Variants in BTK observed in about 807,000 individuals in gnomAD.
BTK encodes the protein Bruton tyrosine kinase, also known as tyrosine-protein kinase BTK.
Under a neutral mutation model 57.4 loss-of-function variants are expected in BTK, and 5 were observed. The observed-to-expected ratio is 0.09, with a 90% CI of 0.05 to 0.18. The LOEUF is 0.18. Among genes scored for constraint, BTK ranks in the 10% least tolerant of loss-of-function variants. The pLI is 1.00. For missense variants in BTK, 194 were observed against 501.2 expected, an observed-to-expected ratio of 0.39 and a Z score of 5.85; for synonymous variants, 154 against 174.3, an observed-to-expected ratio of 0.88 and a Z score of 0.92.
intron 1 of BTK, among the ~76,000 whole-genome samples, chrX:101,382,863 G>A (rs1179471763): frequency 6.4e-5 from 7 of 110,198 alleles, no homozygotes; most frequent in Admixed American, 5.9e-4. Flanking sequence ...TTTTTCCATC[G>A]ATATCAAAAT....
At chrX:101,363,926 T>C (rs1462714108) in intron 5 of BTK, among the ~76,000 whole-genome samples, 2 of 100,288 alleles carry the variant, frequency 2.0e-5, no homozygotes, top group Non-Finnish European at 3.9e-5. Context: ...TTATTATTAT[T>C]ATTATTATTA....
At chrX:101,370,844 CCAAA>C (rs1462746175) in intron 4 of BTK, among the ~76,000 whole-genome samples, 1 of 112,300 alleles carries the variant, frequency 8.9e-6, no homozygotes, top group Non-Finnish European at 1.9e-5. Context: ...ACTAGTGCAG[CCAAA>C]CAATGTCATC....
chrX:101,369,593 G>A (rs782592811), intron 5 of BTK, among the ~76,000 whole-genome samples: 1 of 111,846 alleles, frequency 8.9e-6, no homozygotes, highest in South Asian at 3.7e-4. Context: ...TAGAGAAATG[G>A]AGGTGCCTAA....
At chrX:101,351,194 C>T (rs782589263) in intron 18 of BTK, among the ~76,000 whole-genome samples, 1 of 111,576 alleles carries the variant, frequency 9.0e-6, no homozygotes, top group Non-Finnish European at 1.9e-5. Context: ...CAGGGTTTCA[C>T]CATGTTGGCC....
At chrX:101,385,525 C>T (rs1319860472) in intron 1 of BTK, among the ~76,000 whole-genome samples, 20 of 112,379 alleles carry the variant, frequency 1.8e-4, no homozygotes, top group African/African-American at 5.5e-4. Flanking sequence ...CGACATTTGG[C>T]CTGGTACAGC....
chrX:101,357,657 C>T (rs1339425521), intron 12 of BTK, 74 bp from the exon 13 acceptor site: 29 of 816,629 alleles, frequency 3.6e-5, no homozygotes, highest in Non-Finnish European at 5.2e-5. Flanking sequence ...TCACTTAAAG[C>T]CTCACACTTC....
chrX:101,355,275 TCAAAA>T (rs781783090), intron 15 of BTK, among the ~76,000 whole-genome samples: 7 of 111,930 alleles, frequency 6.3e-5, no homozygotes, highest in Non-Finnish European at 9.4e-5. Context: ...AGACTCCATC[TCAAAA>T]CAAAACAAAA....
At chrX:101,383,461 C>A (rs782278309) in intron 1 of BTK, among the ~76,000 whole-genome samples, 97 of 111,267 alleles carry the variant, frequency 8.7e-4, no homozygotes, top group African/African-American at 2.9e-3. Context: ...TAGAGAGCCC[C>A]CTTTCTCATT....
At chrX:101,362,964 C>T in intron 5 of BTK, 1 of 385,804 alleles carries the variant, frequency 2.6e-6, no homozygotes, top group Non-Finnish European at 4.6e-6. Context: ...CTTGAGAGCC[C>T]AACAACAGAA....
chrX:101,370,408 G>T lies in BTK; in HGVS notation c.310-329C>A, dbSNP rs782725577. ...TAACATTTTTGTTTATCCAACAAAG[G>T]GTATTTTATCTTATTATTAAATTCT... On this transcript the variant is annotated intron_variant, in intron 4 of 18. Transcript: ENST00000308731. 7.4e-4 allele frequency among the ~76,000 whole-genome samples: 83 copies of T among 111,564 alleles called. 1 individual carries two copies. The highest frequency in any genetic ancestry group is 1.1e-4 in the Non-Finnish European group (6 of 53,094).
intron 7 of BTK, among the ~76,000 whole-genome samples, chrX:101,361,719 C>G (rs1360799720): frequency 9.0e-6 from 1 of 110,553 alleles, no homozygotes; most frequent in Non-Finnish European, 1.9e-5. Context: ...CATGGTGACA[C>G]CCCCATCTCT....
intron 18 of BTK, among the ~76,000 whole-genome samples, chrX:101,350,424 T>A (rs78363587): frequency 0.073 from 7,213 of 99,141 alleles, 601 homozygotes; most frequent in African/African-American, 0.21. Flanking sequence ...TTTTTTTTTT[T>A]ACCACTGGTA....
At chrX:101,379,180 T>TAAA in intron 1 of BTK, among the ~76,000 whole-genome samples, 1 of 87,655 alleles carries the variant, frequency 1.1e-5, no homozygotes, top group South Asian at 6.0e-4. Flanking sequence ...AAAATAAAAA[T>TAAA]AAAAAAAAAA....
chrX:101,351,554 C>A (rs1419310475), intron 18 of BTK, among the ~76,000 whole-genome samples: 8 of 111,352 alleles, frequency 7.2e-5, no homozygotes, highest in African/African-American at 2.6e-4. Flanking sequence ...GATCCAGATA[C>A]CCACTTTTCA....
At chrX:101,365,030 C>T (rs1038078773) in intron 5 of BTK, among the ~76,000 whole-genome samples, 1 of 111,866 alleles carries the variant, frequency 8.9e-6, no homozygotes, top group Non-Finnish European at 1.9e-5. Context: ...AGGCATGAGC[C>T]ACCACGCCCA....
intron 7 of BTK, among the ~76,000 whole-genome samples, chrX:101,361,342 A>C (rs1402272090): frequency 2.7e-5 from 3 of 111,612 alleles, no homozygotes; most frequent in Non-Finnish European, 5.6e-5. Flanking sequence ...CTCACTAGAC[A>C]AAAACCATTT....
chrX:101,378,215 C>T (rs1723982181), intron 1 of BTK, among the ~76,000 whole-genome samples: 1 of 109,689 alleles, frequency 9.1e-6, no homozygotes, highest in African/African-American at 3.3e-5. Context: ...TCCCAAGTAG[C>T]CGGGATTACA....
Position 101,358,303 on chromosome X carries a change from T to C in BTK, c.1102+7A>G, listed in dbSNP as rs782612222. 6.5e-5 allele frequency: 79 copies of C among 1,210,445 alleles called. No individual in the cohort carries two copies. Among genetic ancestry groups the C allele is most frequent in the Non-Finnish European group, 8.5e-5 (76 of 895,377 alleles). ...TAACTCCCTTCTCAGTTGCCCCTGG[T>C]ACTCACCTGCAGAGTTGTGCTGATG... On this transcript the variant is annotated splice_region_variant and intron_variant, in intron 12 of 18. Transcript: ENST00000308731.
chrX:101,389,617 G>A (rs3027599), upstream of BTK, among the ~76,000 whole-genome samples: 1 of 111,060 alleles, frequency 9.0e-6, no homozygotes, highest in African/African-American at 3.3e-5. Flanking sequence ...GACTCTCACG[G>A]TTCTTCAGCC....
Sources: gnomAD v4.1 joint callset for allele counts (sites outside exome capture counted in the v4.1 genomes callset) on GRCh38, gnomAD v4.1.1 for gene constraint, MANE v1.5 for transcripts, NCBI Gene and HGNC (gene_info 2026-07-23, HGNC 2026-07-21) for gene names.